The following MINDY3 variants were observed in gnomAD, a reference collection of about 807,000 sequenced individuals.
MINDY3 encodes MINDY lysine 48 deubiquitinase 3, also known as ubiquitin carboxyl-terminal hydrolase MINDY-3.
MINDY3 carries 38 observed loss-of-function variants against 69.2 expected under a neutral mutation model. That is an observed-to-expected ratio of 0.55 (90% CI 0.42 to 0.72). The LOEUF is 0.72. Among genes scored for constraint, MINDY3 ranks in the 30% least tolerant of loss-of-function variants. The probability of loss-of-function intolerance (pLI) is 0.00; values close to 1 mark genes in which losing one functional copy is unlikely to be tolerated. For synonymous variants in MINDY3, 192 were observed against 180.1 expected (o/e 1.07, Z -0.53); for missense variants, 522 against 519.0 (o/e 1.01, Z -0.06).
rs1212556582 is a variant in MINDY3 at position 15,799,210 on chromosome 10, A to AT, written c.883-3039dup. ...CCCCCAAATGCTCTAACATTTATTT[A>AT]TTTTTTTTAGATGGAATCTTGCTCT... On this transcript the variant is annotated intron_variant, in intron 10 of 14. Transcript: ENST00000277632. Among the ~76,000 whole-genome samples, 14 of 151,622 alleles carry AT rather than the reference A, an allele frequency of 9.2e-5. No individual in the cohort carries two copies. In the East Asian group the frequency reaches 2.3e-3, roughly 25 times the overall value.
At chr10:15,850,356 T>C (rs1243221471) in intron 1 of MINDY3, among the ~76,000 whole-genome samples, 2 of 152,144 alleles carry the variant, frequency 1.3e-5, no homozygotes, top group African/African-American at 4.8e-5. Flanking sequence ...AGGGAGATGA[T>C]CATTAGGTCT....
intron 9 of MINDY3, among the ~76,000 whole-genome samples, chr10:15,819,072 G>A (rs1218190291): frequency 6.6e-6 from 1 of 152,160 alleles, no homozygotes; most frequent in African/African-American, 2.4e-5. Context: ...CGTGTGTGTT[G>A]AGAGGGAGAG....
chr10:15,832,549 T>C (rs561378479), intron 8 of MINDY3, among the ~76,000 whole-genome samples: 1 of 152,310 alleles, frequency 6.6e-6, no homozygotes, highest in African/African-American at 2.4e-5. Context: ...CAAGATAATT[T>C]GTAGTTTTTT....
At chr10:15,801,894 C>T (rs1177446915) in intron 10 of MINDY3, among the ~76,000 whole-genome samples, 1 of 151,744 alleles carries the variant, frequency 6.6e-6, no homozygotes, top group African/African-American at 2.4e-5. Flanking sequence ...CTAACAGATA[C>T]CACATCAGAA....
At chr10:15,806,243 C>A (rs1216878010) in intron 10 of MINDY3, among the ~76,000 whole-genome samples, 1 of 152,158 alleles carries the variant, frequency 6.6e-6, no homozygotes, top group African/African-American at 2.4e-5. Flanking sequence ...ATATTTTCCT[C>A]TTGTGTCTTC....
At chr10:15,850,785 G>A (rs919810582) in intron 1 of MINDY3, among the ~76,000 whole-genome samples, 1 of 152,076 alleles carries the variant, frequency 6.6e-6, no homozygotes, top group Non-Finnish European at 1.5e-5. Flanking sequence ...TGCCCTTAAA[G>A]CATGTGATCT....
intron 10 of MINDY3, among the ~76,000 whole-genome samples, chr10:15,797,585 A>C (rs1837932988): frequency 6.6e-6 from 1 of 152,122 alleles, no homozygotes; most frequent in South Asian, 2.1e-4. Context: ...AAACCTGAAC[A>C]TGTAACATCA....
At chr10:15,810,243 T>G (rs1437095680) in intron 10 of MINDY3, among the ~76,000 whole-genome samples, 1 of 152,184 alleles carries the variant, frequency 6.6e-6, no homozygotes, top group Non-Finnish European at 1.5e-5. Flanking sequence ...AAAAAAATTA[T>G]ATTTAATTAC....
intron 10 of MINDY3, among the ~76,000 whole-genome samples, chr10:15,797,402 T>C (rs1289706669): frequency 6.6e-6 from 1 of 152,182 alleles, no homozygotes; most frequent in Non-Finnish European, 1.5e-5. Flanking sequence ...CTTCTTAGGC[T>C]CACCCTTCAC....
intron 6 of MINDY3, among the ~76,000 whole-genome samples, chr10:15,835,272 C>T (rs1833000236): frequency 6.6e-6 from 1 of 152,070 alleles, no homozygotes; most frequent in Non-Finnish European, 1.5e-5. Context: ...ACAAGAAGAC[C>T]TACTTATTGT....
intron 8 of MINDY3, among the ~76,000 whole-genome samples, chr10:15,827,542 C>CAATAAATAAATA (rs142839462): frequency 2.0e-5 from 3 of 148,622 alleles, no homozygotes; most frequent in East Asian, 2.0e-4. Context: ...GACTCCGTCT[C>CAATAAATAAATA]AATAAATAAA....
At chr10:15,803,314 G>A (rs12572784) in intron 10 of MINDY3, among the ~76,000 whole-genome samples, 2,211 of 152,158 alleles carry the variant, frequency 0.015, 99 homozygotes, top group East Asian at 0.13. Flanking sequence ...CTAGTATAAA[G>A]ATCTGTAGAC....
Position 15,779,067 on chromosome 10 carries a change from A to C in MINDY3, c.1263T>G (p.Ile421Met), listed in dbSNP as rs776542217. Reference protein sequence around the residue: ...DPMLQTDDTPIKRCLQTKWPY... With the variant: ...DPMLQTDDTPMKRCLQTKWPY... ...GCCATTTGGTTTGCAGACAGCGTTT[A>C]ATAGGAGTGTCATCTGTCTGTAGCA... Residue 421 changes from isoleucine (I) to methionine (M), a missense_variant, in exon 15 of 15, where the codon ATT becomes ATG. Ile to Met is a conservative substitution (Grantham distance 10, BLOSUM62 1). Transcript: ENST00000277632. 1.2e-6 allele frequency: 2 copies of C among 1,613,638 alleles called. No individual in the cohort carries two copies. Among genetic ancestry groups the C allele is most frequent in the South Asian group, 2.2e-5 (2 of 91,064 alleles).
chr10:15,855,250 G>T (rs939954462), intron 1 of MINDY3, among the ~76,000 whole-genome samples: 1 of 152,020 alleles, frequency 6.6e-6, no homozygotes. Flanking sequence ...ACGGACAAAG[G>T]CTAGTAGAGC....
Position 15,860,345 on chromosome 10 carries a change from C to CTTCCCCATGTTCCGGGGCA in MINDY3, c.-47_-46insTGCCCCGGAACATGGGGAA. 1 of 1,433,096 alleles carries CTTCCCCATGTTCCGGGGCA rather than the reference C, an allele frequency of 7.0e-7. No individual in the cohort carries two copies. The highest frequency in any genetic ancestry group is 9.7e-7 in the Non-Finnish European group (1 of 1,035,622). The allele number at this position is 1,433,096 out of a possible 1,614,324, so 88.8% of individuals were successfully genotyped here. A position where few individuals can be genotyped will look rare whatever the true frequency, so the allele number is the denominator to read the frequency against. ...ATCTTCGCTTTGCGGACTCCTGCCC[C>CTTCCCCATGTTCCGGGGCA]GGAACATGGGGAAGGGGCAACTCCG... On this transcript the variant is annotated 5_prime_UTR_variant, in exon 1 of 15. In the 5' UTR this introduces an upstream ATG that the reference lacks. Transcript: ENST00000277632.
intron 10 of MINDY3, among the ~76,000 whole-genome samples, chr10:15,800,738 C>T (rs1838199755): frequency 6.6e-6 from 1 of 152,058 alleles, no homozygotes. Context: ...CTCACTATGT[C>T]AAGATAAATG....
At chr10:15,857,044 C>G (rs1834739670) in intron 1 of MINDY3, among the ~76,000 whole-genome samples, 1 of 152,098 alleles carries the variant, frequency 6.6e-6, no homozygotes, top group South Asian at 2.1e-4. Flanking sequence ...TCGAAGGACC[C>G]CTATTTCATG....
intron 11 of MINDY3, among the ~76,000 whole-genome samples, chr10:15,790,563 C>T (rs769268709): frequency 3.3e-5 from 5 of 152,030 alleles, no homozygotes; most frequent in African/African-American, 9.7e-5. Context: ...AAAGGCTCAG[C>T]GTCTCCGAAT....
Position 15,845,813 on chromosome 10 carries a change from A to ATTTT in MINDY3, c.174+2047_174+2050dup, listed in dbSNP as rs891710697. ...TGAGCCACCGTGCCTGGCCTATGTG[A>ATTTT]TTTTTTTTTTTTTTTTTTTTTTTTT... is the stretch of plus-strand genomic sequence containing the variant. On this transcript the variant is annotated intron_variant, in intron 2 of 14. Coordinates refer to ENST00000277632, the MANE Select transcript of MINDY3 (RefSeq NM_024948.4). 1.4e-4 allele frequency among the ~76,000 whole-genome samples: 7 copies of ATTTT among 49,334 alleles called. 1 individual carries two copies. The highest frequency in any genetic ancestry group is 3.4e-4 in the African/African-American group (4 of 11,606). 32.4% of individuals were successfully genotyped at this position (49,334 alleles called of 152,430 possible). A position where few individuals can be genotyped will look rare whatever the true frequency, so the allele number is the denominator to read the frequency against.
Sources: gnomAD v4.1 joint callset for allele counts (sites outside exome capture counted in the v4.1 genomes callset) on GRCh38, gnomAD v4.1.1 for gene constraint, MANE v1.5 for transcripts, NCBI Gene and HGNC (gene_info 2026-07-23, HGNC 2026-07-21) for gene names.